UBA6: variants seen among roughly 807,000 people sequenced by gnomAD.
UBA6 encodes the protein ubiquitin like modifier activating enzyme 6.
Under a neutral mutation model 148.3 loss-of-function variants are expected in UBA6, and 87 were observed. The ratio of observed to expected loss-of-function variants is 0.59; its 90% CI spans 0.49 to 0.70. UBA6 has a LOEUF of 0.70. UBA6 is among the 30% of genes least tolerant of loss of function. UBA6 has a pLI of 0.00. For synonymous variants in UBA6, 376 were observed against 401.0 expected, an observed-to-expected ratio of 0.94 and a Z score of 0.75; for missense variants, 1,186 against 1,241.2, an observed-to-expected ratio of 0.96 and a Z score of 0.67.
chr4:67,619,250 T>G, intron 32 of UBA6, 118 bp from the exon 33 acceptor site: 1 of 709,046 alleles, frequency 1.4e-6, no homozygotes, highest in Non-Finnish European at 2.3e-6. Flanking sequence ...CATCTAATAA[T>G]AATCTGCTTT....
chr4:67,629,801 A>C (rs1728954131), intron 26 of UBA6, among the ~76,000 whole-genome samples: 1 of 152,088 alleles, frequency 6.6e-6, no homozygotes, highest in Non-Finnish European at 1.5e-5. Context: ...AAAAAGGATT[A>C]ATCTAAAACA....
At chr4:67,661,428 T>G (rs1729854033) in intron 13 of UBA6, among the ~76,000 whole-genome samples, 1 of 152,156 alleles carries the variant, frequency 6.6e-6, no homozygotes, top group Admixed American at 6.5e-5. Flanking sequence ...TTCCCCTGCT[T>G]GTACTCACAC....
Position 67,619,386 on chromosome 4 carries a change from C to CA in UBA6, c.3024-255dup, listed in dbSNP as rs1229486570. Reference sequence around the variant, plus strand: ...AGAATACAAACCATTTATTAAAAGACAAAAAAAGGCTCAGCGTGGTGGCTC... The same window carrying CA: ...AGAATACAAACCATTTATTAAAAGACAAAAAAAAGGCTCAGCGTGGTGGCTC... On this transcript the variant is annotated intron_variant, in intron 32 of 32. Coordinates refer to ENST00000322244, the MANE Select transcript of UBA6 (RefSeq NM_018227.6). Among the ~76,000 whole-genome samples the CA allele has an allele frequency of 3.3e-5, 5 of 152,156 alleles. No individual in the cohort carries two copies. The East Asian group carries it at 5.8e-4, about 18-fold the overall frequency.
At position 67,631,914 on chromosome 4, in the gene UBA6, GA is replaced by G. The variant is rs779686444; in HGVS notation, c.2143-7del. On this transcript the variant is annotated splice_polypyrimidine_tract_variant and splice_region_variant and intron_variant, in intron 23 of 32. Transcript: ENST00000322244. ...CAGTGAAGAAGCTGAAGAGCCTAAA[GA>G]AAAAAAATGAATTAAAGACACCCAC... The G allele has an allele frequency of 3.4e-5, 55 of 1,601,086 alleles. No homozygotes were observed. The Admixed American group carries it at 4.3e-4, about 12-fold the overall frequency.
At position 67,617,027 on chromosome 4, in the gene UBA6, T is replaced by C. The variant is rs181392041; in HGVS notation, c.*1970A>G. On this transcript the variant is annotated 3_prime_UTR_variant, in exon 33 of 33. Transcript: ENST00000322244. ...ATAACCATTAACTATAGAAAAAAAG[T>C]AATGGAAAAATGGTTGCAGGTTTAA... The C allele has an allele frequency of 1.3e-5, 2 of 152,132 alleles. No homozygotes were observed. Among genetic ancestry groups the C allele is most frequent in the African/African-American group, 4.8e-5 (2 of 41,548 alleles). The allele number at this position is 152,132 out of a possible 1,614,324, so 9.4% of individuals were successfully genotyped here.
rs140327502 is a variant in UBA6 at position 67,619,011 on chromosome 4, G to A, written c.3145C>T (p.His1049Tyr). 5 of 1,613,740 alleles carry A rather than the reference G, an allele frequency of 3.1e-6. No homozygotes were observed. The African/African-American group carries it at 6.7e-5, about 22-fold the overall frequency. ...GACAACTTGTATTAATCAGTGTCAT[G>A]ACTGAAGTAGTATCTTACTGGAGGT... ...PGPPVRYYFS[H>Y]DTD The change falls in exon 33 of 33, where the codon CAT becomes TAT. Residue 1049 changes from histidine to tyrosine, a missense_variant. His to Tyr is a moderately conservative substitution (Grantham distance 83). Coordinates refer to ENST00000322244, the MANE Select transcript of UBA6 (RefSeq NM_018227.6).
chr4:67,632,240 A>G (rs1315909071), intron 23 of UBA6, among the ~76,000 whole-genome samples: 6 of 152,196 alleles, frequency 3.9e-5, no homozygotes, highest in African/African-American at 1.4e-4. Context: ...TGTTCTTTTT[A>G]AAGAGCTAGT....
intron 2 of UBA6, among the ~76,000 whole-genome samples, chr4:67,683,495 T>C (rs911305577): frequency 1.3e-5 from 2 of 152,182 alleles, no homozygotes; most frequent in Non-Finnish European, 2.9e-5. Flanking sequence ...ACAGGCTGCA[T>C]GCGGCCCAGG....
chr4:67,699,549 CA>C (rs1446367342), intron 1 of UBA6, among the ~76,000 whole-genome samples: 1 of 126,364 alleles, frequency 7.9e-6, no homozygotes, highest in Non-Finnish European at 1.8e-5. Flanking sequence ...CACACATACA[CA>C]ATATACCCTG....
At chr4:67,681,245 A>G (rs1191795897) in intron 4 of UBA6, among the ~76,000 whole-genome samples, 2 of 152,236 alleles carry the variant, frequency 1.3e-5, no homozygotes, top group Non-Finnish European at 2.9e-5. Flanking sequence ...TAAAGATACT[A>G]CTAAAATATT....
chr4:67,670,739 A>C (rs1730126908), intron 7 of UBA6, 147 bp from the exon 8 acceptor site: 2 of 619,772 alleles, frequency 3.2e-6, no homozygotes, highest in Non-Finnish European at 5.5e-6. Flanking sequence ...AACAGGATAA[A>C]CTGATGCAGA....
intron 7 of UBA6, among the ~76,000 whole-genome samples, chr4:67,671,137 T>C (rs1182343340): frequency 2.6e-5 from 4 of 152,170 alleles, no homozygotes; most frequent in Admixed American, 6.5e-5. Flanking sequence ...AAATGTTTTA[T>C]TAAAAGCAAT....
intron 6 of UBA6, among the ~76,000 whole-genome samples, chr4:67,676,781 A>C (rs1176770588): frequency 6.6e-6 from 1 of 152,158 alleles, no homozygotes; most frequent in Non-Finnish European, 1.5e-5. Flanking sequence ...ATAGTCATTT[A>C]AAAGAAAGTC....
At chr4:67,677,846 T>TG (rs1175496070) in intron 5 of UBA6, 124 bp from the exon 6 acceptor site, 6 of 518,434 alleles carry the variant, frequency 1.2e-5, no homozygotes, top group Non-Finnish European at 1.7e-5. Context: ...AAACTTACCT[T>TG]GTAGAAGAAA....
intron 5 of UBA6, among the ~76,000 whole-genome samples, chr4:67,678,128 ATAT>A (rs1450495419): frequency 7.9e-6 from 1 of 126,964 alleles, no homozygotes; most frequent in African/African-American, 2.8e-5. Flanking sequence ...TATATAATAC[ATAT>A]TATGTAAATA....
intron 2 of UBA6, among the ~76,000 whole-genome samples, chr4:67,682,479 G>A (rs143727398): frequency 6.6e-6 from 1 of 152,164 alleles, no homozygotes; most frequent in Admixed American, 6.6e-5. Context: ...TTAGGCAGGA[G>A]GATTATGTGC....
At chr4:67,623,492 T>C (rs1728798811) in intron 30 of UBA6, among the ~76,000 whole-genome samples, 1 of 152,162 alleles carries the variant, frequency 6.6e-6, no homozygotes. Flanking sequence ...GTGTTGTCTC[T>C]CTCTTTTTAA....
At chr4:67,667,169 A>C (rs894817821) in intron 9 of UBA6, among the ~76,000 whole-genome samples, 7 of 152,140 alleles carry the variant, frequency 4.6e-5, no homozygotes, top group African/African-American at 1.4e-4. Flanking sequence ...CCGAAATTAC[A>C]AATAATAATC....
chr4:67,628,528 ACT>A (rs1384435143), intron 27 of UBA6, among the ~76,000 whole-genome samples: 2 of 138,006 alleles, frequency 1.4e-5, no homozygotes, highest in Non-Finnish European at 3.2e-5. Flanking sequence ...CAGCTCCATC[ACT>A]CTTTCTTTTC....
Sources: allele counts gnomAD v4.1 joint callset (sites outside exome capture counted in the v4.1 genomes callset), GRCh38; gene constraint gnomAD v4.1.1; transcripts MANE v1.5; gene names NCBI Gene and HGNC (gene_info 2026-07-23, HGNC 2026-07-21).